CGNL1: variants seen among roughly 807,000 people sequenced by gnomAD.
The protein encoded by CGNL1 is cingulin-like protein 1.
CGNL1 carries 132 observed loss-of-function variants against 141.2 expected under a neutral mutation model. The ratio of observed to expected loss-of-function variants is 0.93; its 90% CI spans 0.81 to 1.08. The LOEUF is 1.08. Among genes scored for constraint, CGNL1 ranks in the 50% least tolerant of loss-of-function variants. The pLI is 0.00. For synonymous variants in CGNL1, 690 were observed against 622.1 expected, an observed-to-expected ratio of 1.11 and a Z score of -1.63; for missense variants, 1,870 against 1,588.6, an observed-to-expected ratio of 1.18 and a Z score of -3.01.
chr15:57,397,809 GT>G (rs1210458166), intron 1 of CGNL1, among the ~76,000 whole-genome samples: 1 of 149,842 alleles, frequency 6.7e-6, no homozygotes, highest in Non-Finnish European at 1.5e-5. Flanking sequence ...TGGAGATGGA[GT>G]CTCTCTCTGT....
chr15:57,426,375 C>T (rs1452439368), intron 1 of CGNL1, among the ~76,000 whole-genome samples: 3 of 151,472 alleles, frequency 2.0e-5, no homozygotes, highest in African/African-American at 7.3e-5. Flanking sequence ...GAACTCCTGA[C>T]CTCAAGTGAT....
chr15:57,457,709 G>C (rs2063396722), intron 7 of CGNL1, among the ~76,000 whole-genome samples: 1 of 152,144 alleles, frequency 6.6e-6, no homozygotes, highest in African/African-American at 2.4e-5. Flanking sequence ...AAAATCATCA[G>C]ATCTCCTGAG....
intron 1 of CGNL1, among the ~76,000 whole-genome samples, chr15:57,418,318 C>T (rs2062873080): frequency 6.6e-6 from 1 of 152,128 alleles, no homozygotes; most frequent in African/African-American, 2.4e-5. Flanking sequence ...ATATAATTGC[C>T]TCCATCTCAT....
At chr15:57,482,463 G>T (rs1367624484) in intron 8 of CGNL1, among the ~76,000 whole-genome samples, 1 of 152,176 alleles carries the variant, frequency 6.6e-6, no homozygotes, top group Non-Finnish European at 1.5e-5. Flanking sequence ...GTTAAATTTT[G>T]TGTAAGGTGG....
intron 1 of CGNL1, among the ~76,000 whole-genome samples, chr15:57,392,365 A>G: frequency 6.6e-6 from 1 of 152,082 alleles, no homozygotes; most frequent in Non-Finnish European, 1.5e-5. Flanking sequence ...AAAGTCCAGG[A>G]GTGAAATAAG....
In CGNL1 at chr15:57,452,197, C is replaced by G; in HGVS notation, c.1962C>G (p.Leu654=). The change falls in exon 6 of 19, where the codon CTC becomes CTG. Residue 654 remains leucine, a synonymous_variant. Transcript: ENST00000281282. ...RERMRANLEE[L]RSQHNEKVEE... is the part of the protein sequence containing the mutation. ...GGATGAGAGCAAACCTAGAAGAGCT[C>G]CGAAGCCAACACAACGAAAAGGTGG... is the stretch of plus-strand genomic sequence containing the variant. 6.2e-7 allele frequency: 1 copy of G among 1,613,904 alleles called. No homozygotes were observed. Among genetic ancestry groups the G allele is most frequent in the Non-Finnish European group, 8.5e-7 (1 of 1,179,936 alleles).
intron 10 of CGNL1, among the ~76,000 whole-genome samples, chr15:57,519,076 T>C (rs2031061579): frequency 6.6e-6 from 1 of 152,246 alleles, no homozygotes; most frequent in Admixed American, 6.5e-5. Context: ...GCTATCGCTA[T>C]TCAAAATCAG....
At chr15:57,453,507 A>T (rs1404655299) in intron 6 of CGNL1, among the ~76,000 whole-genome samples, 176 bp from the exon 7 acceptor site, 2 of 152,204 alleles carry the variant, frequency 1.3e-5, no homozygotes, top group Non-Finnish European at 2.9e-5. Context: ...CCATAGCCTA[A>T]GTTCTTCTCA....
In CGNL1 at chr15:57,547,627, T is replaced by C; in HGVS notation, c.*137T>C. 1.0e-6 allele frequency: 1 copy of C among 1,002,516 alleles called. No individual in the cohort carries two copies. The allele number at this position is 1,002,516 out of a possible 1,614,324, so 62.1% of individuals were successfully genotyped here. A position where few individuals can be genotyped will look rare whatever the true frequency, so the allele number is the denominator to read the frequency against. On this transcript the variant is annotated 3_prime_UTR_variant, in exon 19 of 19. Transcript: ENST00000281282. ...TTTGCACAGCATGCCAGCTCCTCAGTGTTACATTCCTCGCCAGGGTCTCTC... is the reference window on the plus strand; with the variant it reads ...TTTGCACAGCATGCCAGCTCCTCAGCGTTACATTCCTCGCCAGGGTCTCTC...
At chr15:57,409,869 G>C (rs2062766573) in intron 1 of CGNL1, among the ~76,000 whole-genome samples, 1 of 152,190 alleles carries the variant, frequency 6.6e-6, no homozygotes, top group Non-Finnish European at 1.5e-5. Flanking sequence ...TGCTTGGTTT[G>C]AAAAATCAAG....
chr15:57,473,888 TTCTTCTTCTTC>T (rs1343250920), intron 8 of CGNL1, among the ~76,000 whole-genome samples: 3 of 114,380 alleles, frequency 2.6e-5, no homozygotes, highest in African/African-American at 3.1e-5. Flanking sequence ...CTTCTTCTTC[TTCTTCTTCTTC>T]TTTTTTTTTT....
intron 11 of CGNL1, 139 bp from the exon 12 acceptor site, chr15:57,524,442 C>T: frequency 2.5e-6 from 2 of 787,900 alleles, no homozygotes; most frequent in Non-Finnish European, 4.1e-6. Flanking sequence ...CTGGCTGACT[C>T]AGGATCAGGT....
At chr15:57,462,900 G>A (rs964678452) in intron 8 of CGNL1, among the ~76,000 whole-genome samples, 66 of 152,186 alleles carry the variant, frequency 4.3e-4, no homozygotes, top group African/African-American at 1.6e-3. Context: ...GACTGAATTT[G>A]AGGGAGAAAA....
chr15:57,446,339 T>G (rs1016881449), intron 4 of CGNL1, among the ~76,000 whole-genome samples: 1 of 152,206 alleles, frequency 6.6e-6, no homozygotes, highest in Non-Finnish European at 1.5e-5. Context: ...TCACCCAGGT[T>G]TCCTGGGTTT....
intron 1 of CGNL1, among the ~76,000 whole-genome samples, chr15:57,405,468 A>T (rs1351870095): frequency 6.6e-6 from 1 of 152,164 alleles, no homozygotes. Context: ...TCTCTTTCCA[A>T]ACCTTTGTGC....
In CGNL1 at chr15:57,442,121, C is replaced by T. The variant is rs183375514; in HGVS notation, c.1698-252C>T. ...GCTTACTGAGGATGTGTTTATGTGC[C>T]TCTCACATATTTGCAAGTGGGAACC... On this transcript the variant is annotated intron_variant, in intron 3 of 18. Transcript: ENST00000281282. Among the ~76,000 whole-genome samples the T allele has an allele frequency of 1.6e-3, 231 of 140,034 alleles. 1 individual carries two copies. Among genetic ancestry groups the T allele is most frequent in the Non-Finnish European group, 8.8e-4 (58 of 65,644 alleles). 91.9% of individuals were successfully genotyped at this position (140,034 alleles called of 152,430 possible).
chr15:57,420,564 G>A (rs761436272), intron 1 of CGNL1, among the ~76,000 whole-genome samples: 11 of 152,060 alleles, frequency 7.2e-5, no homozygotes, highest in Admixed American at 4.6e-4. Context: ...TAGTGGTTTC[G>A]GAATCGTTAA....
chr15:57,440,604 G>A, intron 3 of CGNL1, 133 bp downstream of exon 3: 1 of 704,354 alleles, frequency 1.4e-6, no homozygotes, highest in Non-Finnish European at 2.4e-6. Context: ...AAACTCAATG[G>A]CTGGGGTTTT....
chr15:57,463,014 G>A (rs2063466092), intron 8 of CGNL1, among the ~76,000 whole-genome samples: 1 of 152,036 alleles, frequency 6.6e-6, no homozygotes, highest in African/African-American at 2.4e-5. Context: ...CTATCTTTAT[G>A]TGCTATTGCT....
Sources: allele counts gnomAD v4.1 joint callset (sites outside exome capture counted in the v4.1 genomes callset), GRCh38; gene constraint gnomAD v4.1.1; transcripts MANE v1.5; gene names NCBI Gene and HGNC (gene_info 2026-07-23, HGNC 2026-07-21).